The following DLG2 variants were observed in gnomAD, a reference collection of about 807,000 sequenced individuals.
DLG2 encodes discs large MAGUK scaffold protein 2.
A neutral mutation model predicts 132.5 loss-of-function variants in DLG2; 45 were observed. That is an observed-to-expected ratio of 0.34 (90% CI 0.27 to 0.44). The LOEUF (loss-of-function observed/expected upper bound fraction) is 0.44, where lower values mean the gene tolerates loss of function less well. Ranked by LOEUF, DLG2 falls within the 20% of genes least tolerant of loss-of-function variation. DLG2 has a pLI of 1.00. For synonymous variants in DLG2, 424 were observed against 419.6 expected (o/e 1.01, Z -0.13); for missense variants, 1,045 against 1,196.9 (o/e 0.87, Z 1.87).
At chr11:83,902,295 C>T (rs971920437) in intron 15 of DLG2, among the ~76,000 whole-genome samples, 2 of 152,124 alleles carry the variant, frequency 1.3e-5, no homozygotes, top group Non-Finnish European at 2.9e-5. Context: ...TAGTACCCAC[C>T]ACAGATTACT....
At chr11:84,422,040 T>C (rs1378806445) in intron 7 of DLG2, among the ~76,000 whole-genome samples, 4 of 152,246 alleles carry the variant, frequency 2.6e-5, no homozygotes, top group Non-Finnish European at 4.4e-5. Context: ...TGAATTGTCA[T>C]GCTATATGGT....
chr11:84,391,289 C>T (rs780276285), intron 7 of DLG2, among the ~76,000 whole-genome samples: 19 of 152,110 alleles, frequency 1.2e-4, no homozygotes, highest in East Asian at 1.2e-3. Context: ...CAAGTATGTA[C>T]GTTATCCTTT....
chr11:83,559,450 G>T (rs2096574055), intron 19 of DLG2, among the ~76,000 whole-genome samples: 1 of 152,060 alleles, frequency 6.6e-6, no homozygotes, highest in South Asian at 2.1e-4. Flanking sequence ...ACTTTGTTTT[G>T]GATATGGTGT....
intron 6 of DLG2, among the ~76,000 whole-genome samples, chr11:84,901,870 A>G (rs2090930855): frequency 6.6e-6 from 1 of 152,108 alleles, no homozygotes; most frequent in Non-Finnish European, 1.5e-5. Context: ...ACAGTTTACT[A>G]AACATTTTCT....
intron 3 of DLG2, among the ~76,000 whole-genome samples, chr11:85,407,367 A>G (rs1313546462): frequency 6.6e-6 from 1 of 151,904 alleles, no homozygotes; most frequent in African/African-American, 2.4e-5. Flanking sequence ...TTAAAGAATA[A>G]TGGTTAAAAC....
At chr11:84,254,971 C>A (rs902074363) in intron 7 of DLG2, among the ~76,000 whole-genome samples, 5 of 152,160 alleles carry the variant, frequency 3.3e-5, no homozygotes, top group African/African-American at 1.2e-4. Flanking sequence ...AGAGATGCCA[C>A]GGTAGGCTCT....
intron 10 of DLG2, 50 bp from the exon 11 acceptor site, chr11:84,059,534 T>C: frequency 1.5e-6 from 2 of 1,361,690 alleles, no homozygotes; most frequent in South Asian, 3.1e-5. Flanking sequence ...GCAGGATTTC[T>C]TAAAGAATAT....
chr11:85,539,342 G>T (rs1012471761), intron 3 of DLG2, among the ~76,000 whole-genome samples: 3 of 152,152 alleles, frequency 2.0e-5, no homozygotes, highest in Non-Finnish European at 4.4e-5. Context: ...TTCTTGGGCT[G>T]CATAAAACTT....
intron 6 of DLG2, chr11:84,720,404 C>T (rs2061673674): frequency 1.0e-5 from 10 of 985,344 alleles, no homozygotes; most frequent in South Asian, 9.4e-5. Flanking sequence ...ACATTCCTTC[C>T]GGGCTGCGGC....
intron 3 of DLG2, among the ~76,000 whole-genome samples, chr11:85,456,837 G>T (rs1400116885): frequency 1.3e-5 from 2 of 152,092 alleles, no homozygotes; most frequent in African/African-American, 2.4e-5. Flanking sequence ...AGTGTGGTTG[G>T]TATGATATCA....
intron 21 of DLG2, among the ~76,000 whole-genome samples, chr11:83,502,064 G>C (rs577175453): frequency 6.6e-6 from 1 of 152,268 alleles, no homozygotes; most frequent in African/African-American, 2.4e-5. Flanking sequence ...AATAGCATTT[G>C]TTGGTAACAT....
chr11:85,113,380 T>A (rs144571134), intron 5 of DLG2, among the ~76,000 whole-genome samples: 2 of 151,998 alleles, frequency 1.3e-5, no homozygotes, highest in Non-Finnish European at 2.9e-5. Flanking sequence ...GGTGCATAAA[T>A]AAGGTGTGTT....
At chr11:84,699,593 C>T (rs1420509189) in intron 6 of DLG2, among the ~76,000 whole-genome samples, 1 of 151,460 alleles carries the variant, frequency 6.6e-6, no homozygotes, top group Non-Finnish European at 1.5e-5. Flanking sequence ...TTGGCCCTAA[C>T]CTAGAGCTCT....
intron 3 of DLG2, among the ~76,000 whole-genome samples, chr11:85,445,200 T>C (rs2153035409): frequency 6.6e-6 from 1 of 151,928 alleles, no homozygotes. Context: ...CAAAGAGGAG[T>C]AGTTAAAAGA....
chr11:84,005,976 G>T (rs1051708150), intron 11 of DLG2, among the ~76,000 whole-genome samples: 3 of 151,756 alleles, frequency 2.0e-5, no homozygotes, highest in Non-Finnish European at 4.4e-5. Context: ...TCACTACTGG[G>T]TATCTATCCA....
At chr11:85,280,770 T>G (rs1429149724) in intron 4 of DLG2, among the ~76,000 whole-genome samples, 1 of 152,012 alleles carries the variant, frequency 6.6e-6, no homozygotes, top group Non-Finnish European at 1.5e-5. Flanking sequence ...TAGAATATTG[T>G]AGAATAGAGA....
At chr11:85,404,125 A>G (rs2088483804) in intron 3 of DLG2, among the ~76,000 whole-genome samples, 1 of 152,036 alleles carries the variant, frequency 6.6e-6, no homozygotes, top group South Asian at 2.1e-4. Context: ...TGAATGGATT[A>G]GAAGATAAGG....
At chr11:84,665,832 G>A (rs2099699236) in intron 6 of DLG2, among the ~76,000 whole-genome samples, 1 of 152,142 alleles carries the variant, frequency 6.6e-6, no homozygotes, top group Non-Finnish European at 1.5e-5. Context: ...TGTGATGAGT[G>A]ACTATTAGAG....
chr11:85,012,914 T>A (rs2059271087), intron 6 of DLG2, among the ~76,000 whole-genome samples: 2 of 152,202 alleles, frequency 1.3e-5, no homozygotes, highest in African/African-American at 4.8e-5. Flanking sequence ...GCCTGTGTCA[T>A]CATTTGTAAA....
Sources: gnomAD v4.1 joint callset for allele counts (sites outside exome capture counted in the v4.1 genomes callset) on GRCh38, gnomAD v4.1.1 for gene constraint, MANE v1.5 for transcripts, NCBI Gene and HGNC (gene_info 2026-07-23, HGNC 2026-07-21) for gene names.